RAB6B: variants seen among roughly 807,000 people sequenced by gnomAD.
RAB6B encodes RAB6B, member RAS oncogene family.
RAB6B carries 7 observed loss-of-function variants against 31.2 expected under a neutral mutation model. The observed-to-expected ratio is 0.22, with a 90% CI of 0.13 to 0.42. RAB6B has a LOEUF of 0.42. RAB6B is among the 10% of genes least tolerant of loss of function. The probability of loss-of-function intolerance (pLI) is 1.00; values close to 1 mark genes in which losing one functional copy is unlikely to be tolerated. For synonymous variants in RAB6B, 105 were observed against 104.9 expected (o/e 1.00, Z -0.01); for missense variants, 149 against 280.6 (o/e 0.53, Z 3.35).
chr3:133,885,653 G>A, intron 1 of RAB6B: 3 of 702,776 alleles, frequency 4.3e-6, no homozygotes, highest in Non-Finnish European at 7.8e-6. Flanking sequence ...GAGCAGTCAG[G>A]GAACCCAGGG....
At chr3:133,873,491 G>A (rs1443619614) in intron 1 of RAB6B, among the ~76,000 whole-genome samples, 4 of 152,170 alleles carry the variant, frequency 2.6e-5, no homozygotes, top group Non-Finnish European at 4.4e-5. Context: ...TGGGCTGGGA[G>A]AGGCCCCATC....
At chr3:133,878,460 G>C (rs923107340) in intron 1 of RAB6B, among the ~76,000 whole-genome samples, 8 of 150,358 alleles carry the variant, frequency 5.3e-5, no homozygotes, top group Non-Finnish European at 1.2e-4. Flanking sequence ...AAAAACAAAG[G>C]TGAGATAAAG....
In RAB6B at chr3:133,828,900, A is replaced by G. The variant is rs766006340; in HGVS notation, c.563-48T>C. 23 of 1,509,130 alleles carry G rather than the reference A, an allele frequency of 1.5e-5. No individual in the cohort carries two copies. In the South Asian group the frequency reaches 2.5e-4, roughly 17 times the overall value. 93.5% of individuals were successfully genotyped at this position (1,509,130 alleles called of 1,614,324 possible). Reference sequence around the variant, plus strand: ...AGATGACTCTCCTGGACAAGCTGCCACCCCACTTAGCCCTGTGCACTGTAC... The same window carrying G: ...AGATGACTCTCCTGGACAAGCTGCCGCCCCACTTAGCCCTGTGCACTGTAC... On this transcript the variant is annotated intron_variant, in intron 7 of 7. Coordinates refer to ENST00000285208, the MANE Select transcript of RAB6B (RefSeq NM_016577.4).
intron 2 of RAB6B, among the ~76,000 whole-genome samples, chr3:133,850,932 G>A (rs1455473955): frequency 4.6e-5 from 7 of 150,562 alleles, no homozygotes; most frequent in African/African-American, 1.2e-4. Flanking sequence ...CACACCTCAC[G>A]CAAGGAAATA....
chr3:133,846,527 A>G (rs1464085690), intron 2 of RAB6B, among the ~76,000 whole-genome samples: 1 of 152,232 alleles, frequency 6.6e-6, no homozygotes, highest in East Asian at 1.9e-4. Flanking sequence ...TCTTGAGAAT[A>G]GCCCCCAACT....
chr3:133,838,575 T>C (rs1935776479), intron 5 of RAB6B, among the ~76,000 whole-genome samples: 3 of 152,160 alleles, frequency 2.0e-5, no homozygotes, highest in Admixed American at 2.0e-4. Flanking sequence ...AGCCTGTGCT[T>C]ATGAAGAGAT....
At chr3:133,882,441 TACCAC>T (rs1936481762) in intron 1 of RAB6B, among the ~76,000 whole-genome samples, 1 of 152,222 alleles carries the variant, frequency 6.6e-6, no homozygotes, top group Non-Finnish European at 1.5e-5. Flanking sequence ...AGGTTGTGTC[TACCAC>T]ACCATCTCAC....
At chr3:133,887,503 C>G (rs969342995) in intron 1 of RAB6B, among the ~76,000 whole-genome samples, 2 of 152,216 alleles carry the variant, frequency 1.3e-5, no homozygotes, top group Admixed American at 1.3e-4. Flanking sequence ...CCCCTCTCAC[C>G]AGCAGCATGC....
intron 1 of RAB6B, among the ~76,000 whole-genome samples, chr3:133,875,720 T>C (rs1484403000): frequency 6.6e-6 from 1 of 152,144 alleles, no homozygotes; most frequent in Non-Finnish European, 1.5e-5. Context: ...TCCCCCAGCC[T>C]GAAGCAGACA....
chr3:133,855,301 G>A (rs1936058428), intron 2 of RAB6B, among the ~76,000 whole-genome samples: 1 of 152,242 alleles, frequency 6.6e-6, no homozygotes, highest in Non-Finnish European at 1.5e-5. Context: ...CCTGGGGGAG[G>A]GGATGTTGGC....
At position 133,895,528 on chromosome 3, in the gene RAB6B, G is replaced by A; in HGVS notation, c.-62C>T. ...AAAAAGCGAAGGAGCAGGGAGGGGA[G>A]AGTAGGAGGGCGAGGGGAGGCGGCC... On this transcript the variant is annotated 5_prime_UTR_variant, in exon 1 of 8. Transcript: ENST00000285208. The A allele has an allele frequency of 4.5e-6, 7 of 1,558,774 alleles. No individual in the cohort carries two copies. The highest frequency in any genetic ancestry group is 6.2e-6 in the Non-Finnish European group (7 of 1,135,656).
chr3:133,889,434 ATATATATATATT>A (rs1559915504), intron 1 of RAB6B, among the ~76,000 whole-genome samples: 11 of 65,246 alleles, frequency 1.7e-4, no homozygotes, highest in African/African-American at 4.1e-4. Context: ...ATATATATAT[ATATATATATATT>A]TATTTTGGGA....
At chr3:133,893,657 G>A (rs930652246) in intron 1 of RAB6B, among the ~76,000 whole-genome samples, 5 of 152,338 alleles carry the variant, frequency 3.3e-5, no homozygotes, top group Admixed American at 6.5e-5. Flanking sequence ...GAAACATGAA[G>A]AAGTAAGAGA....
intron 1 of RAB6B, among the ~76,000 whole-genome samples, chr3:133,887,449 G>C (rs1270934706): frequency 6.6e-6 from 1 of 152,144 alleles, no homozygotes; most frequent in Non-Finnish European, 1.5e-5. Context: ...CAGTTCTGGG[G>C]GCAACAGTCG....
At position 133,839,739 on chromosome 3, in the gene RAB6B, G is replaced by C; in HGVS notation, c.290-122C>G. ...GCATGTGCCCTCAGATACCCAGGGA[G>C]GGGTGTGAGCTCAGTCAACACAGAT... On this transcript the variant is annotated intron_variant, in intron 4 of 7. Coordinates refer to ENST00000285208, the MANE Select transcript of RAB6B (RefSeq NM_016577.4). 4 of 752,898 alleles carry C rather than the reference G, an allele frequency of 5.3e-6. No homozygotes were observed. The South Asian group carries it at 6.2e-5, about 12-fold the overall frequency. The allele number at this position is 752,898 out of a possible 1,614,324, so 46.6% of individuals were successfully genotyped here.
intron 1 of RAB6B, chr3:133,885,475 A>G (rs1415223143): frequency 6.7e-5 from 47 of 702,092 alleles, no homozygotes; most frequent in South Asian, 5.6e-4. Flanking sequence ...TACACACCCA[A>G]TGACCAGAGG....
intron 1 of RAB6B, among the ~76,000 whole-genome samples, chr3:133,876,489 T>C (rs11716235): frequency 0.093 from 14,167 of 152,096 alleles, 1,225 homozygotes; most frequent in African/African-American, 0.24. Context: ...CTGAGAGAGA[T>C]AAAATATAAG....
In RAB6B at chr3:133,826,533, G is replaced by C. The variant is rs1223443186; in HGVS notation, c.*2255C>G. 1 of 152,692 alleles carries C rather than the reference G, an allele frequency of 6.5e-6. No individual in the cohort carries two copies. Among genetic ancestry groups the C allele is most frequent in the Non-Finnish European group, 1.5e-5 (1 of 68,064 alleles). 9.5% of individuals were successfully genotyped at this position (152,692 alleles called of 1,614,324 possible). ...GATGGCCCCCGCTGCCAACCAGGCA[G>C]GACACTGTCATGTGGACTCCTGTAA... On this transcript the variant is annotated 3_prime_UTR_variant, in exon 8 of 8. Transcript: ENST00000285208.
rs76223354 is a variant in RAB6B at position 133,856,764 on chromosome 3, T to C, written c.129+7820A>G. Among the ~76,000 whole-genome samples, 9 of 152,242 alleles carry C rather than the reference T, an allele frequency of 5.9e-5. No individual in the cohort carries two copies. The East Asian group carries it at 1.7e-3, about 29-fold the overall frequency. On this transcript the variant is annotated intron_variant, in intron 2 of 7. Coordinates refer to ENST00000285208, the MANE Select transcript of RAB6B (RefSeq NM_016577.4). The stretch of plus-strand genomic sequence containing the variant: ...GCCCTCAAAAGTCCAACGCCTGGAG[T>C]ATCTTCTGCCGGGTCAATGTTCAGA...
Sources: allele counts gnomAD v4.1 joint callset (sites outside exome capture counted in the v4.1 genomes callset), GRCh38; gene constraint gnomAD v4.1.1; transcripts MANE v1.5; gene names NCBI Gene and HGNC (gene_info 2026-07-23, HGNC 2026-07-21).